EYS: variants seen among roughly 807,000 people sequenced by gnomAD.
EYS encodes protein eyes shut homolog.
Under a neutral mutation model 282.1 loss-of-function variants are expected in EYS, and 250 were observed. The ratio of observed to expected loss-of-function variants is 0.89; its 90% confidence interval spans 0.80 to 0.98. The LOEUF is 0.98. EYS is among the 50% of genes least tolerant of loss of function. The probability of loss-of-function intolerance (pLI) is 0.00; values close to 1 mark genes in which losing one functional copy is unlikely to be tolerated. For synonymous variants in EYS, 1,355 were observed against 1,282.9 expected, an observed-to-expected ratio of 1.06 and a Z score of -1.20; for missense variants, 4,016 against 3,709.0, an observed-to-expected ratio of 1.08 and a Z score of -2.15.
At chr6:65,624,311 G>A (rs1044394116) in intron 2 of EYS, among the ~76,000 whole-genome samples, 1 of 152,104 alleles carries the variant, frequency 6.6e-6, no homozygotes, top group Non-Finnish European at 1.5e-5. Flanking sequence ...TCAATCCCTT[G>A]ATATTGCACC....
intron 33 of EYS, among the ~76,000 whole-genome samples, chr6:64,034,699 T>C (rs940703971): frequency 5.9e-5 from 9 of 152,172 alleles, no homozygotes; most frequent in Non-Finnish European, 1.2e-4. Flanking sequence ...TACTATGCTA[T>C]GCTGTCTTAA....
At chr6:64,105,245 C>T (rs774898778) in intron 31 of EYS, among the ~76,000 whole-genome samples, 10 of 152,028 alleles carry the variant, frequency 6.6e-5, no homozygotes, top group South Asian at 2.1e-4. Context: ...TATTGAACAT[C>T]GCTACGTGCC....
At chr6:63,913,801 C>CCTTGTTTTATTGTGT (rs1269602062) in intron 35 of EYS, among the ~76,000 whole-genome samples, 1 of 152,102 alleles carries the variant, frequency 6.6e-6, no homozygotes, top group Non-Finnish European at 1.5e-5. Context: ...TACAGACATA[C>CCTTGTTTTATTGTGT]CTTGTTTTAT....
At chr6:63,748,981 C>T (rs1769276878) in intron 41 of EYS, among the ~76,000 whole-genome samples, 2 of 152,172 alleles carry the variant, frequency 1.3e-5, no homozygotes, top group Non-Finnish European at 2.9e-5. Flanking sequence ...GTCTCAATCT[C>T]CTTCAGTTCA....
intron 28 of EYS, among the ~76,000 whole-genome samples, chr6:64,407,054 C>T (rs1018740402): frequency 3.3e-5 from 5 of 152,094 alleles, no homozygotes; most frequent in Non-Finnish European, 1.5e-5. Flanking sequence ...AACCCAAATG[C>T]CCATCAATGA....
intron 41 of EYS, among the ~76,000 whole-genome samples, chr6:63,758,141 A>G (rs774283777): frequency 6.6e-6 from 1 of 152,122 alleles, no homozygotes; most frequent in Non-Finnish European, 1.5e-5. Flanking sequence ...AGCCTCAAAC[A>G]GTCCTCCTGC....
At chr6:64,684,585 G>A (rs1344008428) in intron 22 of EYS, among the ~76,000 whole-genome samples, 1 of 126,204 alleles carries the variant, frequency 7.9e-6, no homozygotes, top group Non-Finnish European at 1.9e-5. Context: ...ATAATTATAG[G>A]AAAAAAAATA....
intron 31 of EYS, among the ~76,000 whole-genome samples, chr6:64,163,692 G>T (rs1270124023): frequency 6.6e-6 from 1 of 152,002 alleles, no homozygotes; most frequent in East Asian, 1.9e-4. Flanking sequence ...GGTACTTAAG[G>T]CAAATCTTTC....
intron 42 of EYS, among the ~76,000 whole-genome samples, chr6:63,722,845 C>A (rs1381967204): frequency 1.3e-5 from 2 of 152,212 alleles, no homozygotes; most frequent in Admixed American, 1.3e-4. Flanking sequence ...TGTTTGGCAG[C>A]TCTATAGTTC....
In EYS at chr6:64,066,472, T is replaced by A; in HGVS notation, c.6591A>T (p.Gly2197=). 6.5e-7 allele frequency: 1 copy of A among 1,541,480 alleles called. No individual in the cohort carries two copies. Among genetic ancestry groups the A allele is most frequent in the Non-Finnish European group, 8.8e-7 (1 of 1,138,396 alleles). The stretch of plus-strand genomic sequence containing the variant: ...CAAGAAATAAATGAAGAAACTGCTT[T>A]CCACAATTATTCCCATTACCTTTAA... The part of the protein sequence containing the change: ...TILYSNGNNC[G]KQFLHLFLVE... The change falls in exon 33 of 43, where the codon GGA becomes GGT. Residue 2197 remains glycine (G), a synonymous_variant. Transcript: ENST00000503581.
chr6:64,820,650 G>A (rs1304093760), intron 21 of EYS, among the ~76,000 whole-genome samples: 1 of 152,054 alleles, frequency 6.6e-6, no homozygotes, highest in Non-Finnish European at 1.5e-5. Flanking sequence ...TTTAATTCTT[G>A]CAATAACCTG....
intron 30 of EYS, among the ~76,000 whole-genome samples, chr6:64,273,148 G>T (rs1185151654): frequency 6.6e-6 from 1 of 152,086 alleles, no homozygotes; most frequent in African/African-American, 2.4e-5. Flanking sequence ...TTTCTCAGTT[G>T]CTTACTATGT....
Position 64,619,345 on chromosome 6 carries a change from G to T in EYS, c.3569-1812C>A, listed in dbSNP as rs1277306637. Among the ~76,000 whole-genome samples the T allele has an allele frequency of 3.9e-5, 6 of 152,124 alleles. No individual in the cohort carries two copies. In the South Asian group the frequency reaches 1.2e-3, roughly 31 times the overall value. On this transcript the variant is annotated intron_variant, in intron 23 of 42. Coordinates refer to ENST00000503581, the MANE Select transcript of EYS (RefSeq NM_001142800.2). Reference sequence around the variant, plus strand: ...AAGTGTAAAAGAAAAATTGCACTGGGCCAGTTATACAGACAAAGAAGACTT... The same window carrying T: ...AAGTGTAAAAGAAAAATTGCACTGGTCCAGTTATACAGACAAAGAAGACTT...
intron 26 of EYS, among the ~76,000 whole-genome samples, chr6:64,475,780 A>C (rs915642581): frequency 1.3e-5 from 2 of 152,144 alleles, no homozygotes; most frequent in Non-Finnish European, 2.9e-5. Flanking sequence ...TGTTGTATTA[A>C]AACATTACTG....
intron 36 of EYS, among the ~76,000 whole-genome samples, chr6:63,814,177 G>A (rs772119422): frequency 9.2e-5 from 14 of 152,110 alleles, no homozygotes; most frequent in African/African-American, 2.9e-4. Flanking sequence ...CTTTCACACT[G>A]TTCAGCATTA....
chr6:65,448,221 T>C (rs1562190330), intron 5 of EYS, among the ~76,000 whole-genome samples: 1 of 152,010 alleles, frequency 6.6e-6, no homozygotes, highest in Non-Finnish European at 1.5e-5. Context: ...CCATCAGGAA[T>C]TGTAATCTCA....
intron 14 of EYS, among the ~76,000 whole-genome samples, chr6:64,988,067 GT>G (rs758779408): frequency 5.4e-4 from 82 of 151,340 alleles, no homozygotes; most frequent in Non-Finnish European, 1.1e-3. Context: ...GTAGGGCAAA[GT>G]TTTGGTCTTG....
intron 8 of EYS, among the ~76,000 whole-genome samples, chr6:65,378,049 A>G (rs1384946989): frequency 6.6e-6 from 1 of 152,142 alleles, no homozygotes; most frequent in African/African-American, 2.4e-5. Flanking sequence ...TAATTAAACT[A>G]AAGAGCTTCT....
At chr6:64,280,124 C>T (rs995949537) in intron 30 of EYS, among the ~76,000 whole-genome samples, 1 of 152,044 alleles carries the variant, frequency 6.6e-6, no homozygotes, top group African/African-American at 2.4e-5. Context: ...TTCTAAATGA[C>T]ATAACTGTTG....
Sources: gnomAD v4.1 joint callset for allele counts (sites outside exome capture counted in the v4.1 genomes callset) on GRCh38, gnomAD v4.1.1 for gene constraint, MANE v1.5 for transcripts, NCBI Gene and HGNC (gene_info 2026-07-23, HGNC 2026-07-21) for gene names.